The following RLF variants were observed in gnomAD, a reference collection of about 807,000 sequenced individuals.
RLF encodes the protein zinc finger protein Rlf.
Under a neutral mutation model 162.9 loss-of-function variants are expected in RLF, and 7 were observed. The observed-to-expected ratio is 0.04, with a 90% CI of 0.02 to 0.08. The LOEUF is 0.08. Among genes scored for constraint, RLF ranks in the 10% least tolerant of loss-of-function variants. The pLI is 1.00. For missense variants in RLF, 1,664 were observed against 2,244.7 expected (o/e 0.74, Z 5.23); for synonymous variants, 782 against 791.5 (o/e 0.99, Z 0.20).
intron 2 of RLF, 41 bp downstream of exon 2, chr1:40,189,250 A>G (rs1642525427): frequency 1.3e-6 from 2 of 1,549,658 alleles, no homozygotes; most frequent in African/African-American, 1.4e-5. Context: ...ATTGAGTACC[A>G]TTGGTCGTGT....
At chr1:40,215,504 T>C (rs554957240) in intron 5 of RLF, among the ~76,000 whole-genome samples, 81 of 152,112 alleles carry the variant, frequency 5.3e-4, no homozygotes, top group Admixed American at 2.1e-3. Context: ...CACAAATAAG[T>C]GAAATTTAAC....
intron 1 of RLF, among the ~76,000 whole-genome samples, chr1:40,163,016 T>G (rs536674885): frequency 1.3e-5 from 2 of 152,290 alleles, no homozygotes; most frequent in South Asian, 4.1e-4. Flanking sequence ...TGACAGTATT[T>G]CCAGTGCGGT....
In RLF at chr1:40,187,257, C is replaced by T. The variant is rs148131885; in HGVS notation, c.238-1798C>T. Among the ~76,000 whole-genome samples, 141 of 152,242 alleles carry T rather than the reference C, an allele frequency of 9.3e-4. 1 individual carries two copies. The East Asian group carries it at 0.022, about 24-fold the overall frequency. Reference sequence around the variant, plus strand: ...ATGTTGGCCAGGATGGTCTCGATCTCTTGACTTTGTGATCCGTCCGCCTCG... The same window carrying T: ...ATGTTGGCCAGGATGGTCTCGATCTTTTGACTTTGTGATCCGTCCGCCTCG... On this transcript the variant is annotated intron_variant, in intron 1 of 7. Coordinates refer to ENST00000372771, the MANE Select transcript of RLF (RefSeq NM_012421.4).
chr1:40,226,057 C>A lies in RLF; in HGVS notation c.947+3347C>A, dbSNP rs541631232. ...CACAATGAGACCCTGTCTCAAAAAA[C>A]CAAACAAAAACAAAAAACTATGTAA... On this transcript the variant is annotated intron_variant, in intron 6 of 7. Transcript: ENST00000372771. Among the ~76,000 whole-genome samples the A allele has an allele frequency of 5.9e-5, 9 of 151,952 alleles. No homozygotes were observed. In the East Asian group the frequency reaches 7.7e-4, roughly 13 times the overall value.
intron 4 of RLF, among the ~76,000 whole-genome samples, chr1:40,196,141 T>C (rs1379253850): frequency 6.6e-6 from 1 of 151,494 alleles, no homozygotes; most frequent in Non-Finnish European, 1.5e-5. Context: ...AGTGGCAGGA[T>C]CTCGGCTCAC....
chr1:40,163,228 T>C (rs751499528), intron 1 of RLF, among the ~76,000 whole-genome samples: 1 of 151,646 alleles, frequency 6.6e-6, no homozygotes, highest in Non-Finnish European at 1.5e-5. Context: ...TGAAAATGAG[T>C]CACGTGAAGG....
At chr1:40,211,378 A>G (rs11589008) in intron 5 of RLF, among the ~76,000 whole-genome samples, 28,541 of 151,894 alleles carry the variant, frequency 0.19, 2,831 homozygotes, top group Non-Finnish European at 0.21. Context: ...CCTTCTTTCC[A>G]CTCTACCACC....
intron 6 of RLF, among the ~76,000 whole-genome samples, chr1:40,224,578 CTTTTTTTTTTT>C (rs59980316): frequency 6.2e-4 from 25 of 40,440 alleles, no homozygotes; most frequent in Non-Finnish European, 1.0e-3. Flanking sequence ...CTGGCCACAT[CTTTTTTTTTTT>C]TTTTTTTTTT....
intron 1 of RLF, among the ~76,000 whole-genome samples, chr1:40,169,806 C>T (rs1441469644): frequency 3.3e-5 from 5 of 150,606 alleles, no homozygotes; most frequent in African/African-American, 1.2e-4. Flanking sequence ...GATTCTCCTG[C>T]CTCAGCCTCC....
intron 1 of RLF, among the ~76,000 whole-genome samples, chr1:40,168,348 C>T (rs1642194480): frequency 1.3e-5 from 2 of 152,162 alleles, no homozygotes; most frequent in East Asian, 1.9e-4. Flanking sequence ...TGGGTTCAAG[C>T]GATTCTCGTG....
At chr1:40,206,028 G>A (rs956838266) in intron 5 of RLF, among the ~76,000 whole-genome samples, 1 of 151,910 alleles carries the variant, frequency 6.6e-6, no homozygotes, top group African/African-American at 2.4e-5. Context: ...TACCAACTAT[G>A]GTCTGACTCC....
chr1:40,236,934 T>C lies in RLF; in HGVS notation c.2232T>C (p.Cys744=), dbSNP rs764788982. Residue 744 remains cysteine (C), a synonymous_variant, in exon 8 of 8, where the codon TGT becomes TGC. Transcript: ENST00000372771. The surrounding 1 kb of genome is among the most constrained non-coding windows in gnomAD (Gnocchi z 7.7). ...QVHCGPQPYM[C]VSIDCYARFG... is the part of the protein sequence containing the mutation. ...ATTGTGGGCCTCAGCCTTATATGTG[T>C]GTATCTATAGATTGCTATGCTAGGT... The C allele has an allele frequency of 7.4e-6, 12 of 1,614,074 alleles. No individual in the cohort carries two copies. Among genetic ancestry groups the C allele is most frequent in the African/African-American group, 1.3e-5 (1 of 74,932 alleles).
At chr1:40,168,340 G>A (rs58576831) in intron 1 of RLF, among the ~76,000 whole-genome samples, 1 of 152,158 alleles carries the variant, frequency 6.6e-6, no homozygotes, top group African/African-American at 2.4e-5. Context: ...CCGCCTCCTG[G>A]GTTCAAGCGA....
chr1:40,232,315 C>T (rs1414271293), intron 7 of RLF, among the ~76,000 whole-genome samples: 1 of 150,906 alleles, frequency 6.6e-6, no homozygotes, highest in Admixed American at 6.6e-5. Flanking sequence ...TTGTTTAAAT[C>T]TTTAATAAAG....
intron 6 of RLF, among the ~76,000 whole-genome samples, chr1:40,224,483 G>A (rs1057000548): frequency 2.7e-5 from 4 of 149,176 alleles, no homozygotes; most frequent in Non-Finnish European, 5.9e-5. Context: ...CACCATGTTG[G>A]TCAGGCTGGT....
chr1:40,168,974 CAA>C (rs1016492633), intron 1 of RLF, among the ~76,000 whole-genome samples: 11 of 152,008 alleles, frequency 7.2e-5, no homozygotes, highest in Non-Finnish European at 1.5e-4. Flanking sequence ...TCCTGGGCAA[CAA>C]GAGCAAAACT....
chr1:40,165,755 T>G (rs1366381322), intron 1 of RLF, among the ~76,000 whole-genome samples: 2 of 152,186 alleles, frequency 1.3e-5, no homozygotes, highest in Non-Finnish European at 2.9e-5. Flanking sequence ...TGTTCGTCAC[T>G]TTATTCCCTA....
chr1:40,166,381 C>T (rs1308935472), intron 1 of RLF, among the ~76,000 whole-genome samples: 1 of 151,924 alleles, frequency 6.6e-6, no homozygotes, highest in African/African-American at 2.4e-5. Flanking sequence ...AATAGGAACA[C>T]TTTTACACTG....
chr1:40,183,268 A>G (rs1279682199), intron 1 of RLF, among the ~76,000 whole-genome samples: 3 of 152,198 alleles, frequency 2.0e-5, no homozygotes, highest in Non-Finnish European at 4.4e-5. Flanking sequence ...AATTTAAATA[A>G]AAGTTTCTTG....
Sources: gnomAD v4.1 joint callset for allele counts (sites outside exome capture counted in the v4.1 genomes callset) on GRCh38, gnomAD v4.1.1 for gene constraint, Gnocchi (gnomAD v3.1) non-coding constraint, MANE v1.5 for transcripts, NCBI Gene and HGNC (gene_info 2026-07-23, HGNC 2026-07-21) for gene names.